DNA2: variants seen among roughly 807,000 people sequenced by gnomAD.
DNA2 encodes the protein DNA replication helicase/nuclease 2.
In DNA2, 101 loss-of-function variants were observed where a neutral mutation model predicts 119.1. The ratio of observed to expected loss-of-function variants is 0.85; its 90% CI spans 0.72 to 1.00. The LOEUF (loss-of-function observed/expected upper bound fraction) is 1.00. DNA2 is among the 50% of genes least tolerant of loss of function. The pLI, the probability that DNA2 is intolerant of heterozygous loss-of-function variation, is 0.00. For missense variants in DNA2, 1,121 were observed against 1,255.5 expected (o/e 0.89, Z 1.62); for synonymous variants, 366 against 424.4 (o/e 0.86, Z 1.69).
At chr10:68,436,754 C>T in intron 10 of DNA2, 3 of 311,718 alleles carry the variant, frequency 9.6e-6, no homozygotes, top group Non-Finnish European at 1.8e-5. Context: ...TCTACAGAGA[C>T]AGAAAGCAGG....
chr10:68,421,100 T>G (rs2051659392), intron 17 of DNA2, among the ~76,000 whole-genome samples: 1 of 151,794 alleles, frequency 6.6e-6, no homozygotes, highest in Admixed American at 6.6e-5. Flanking sequence ...CCACACCCAG[T>G]TAAGTTTTGC....
At chr10:68,444,070 A>G (rs1332027410) in intron 8 of DNA2, among the ~76,000 whole-genome samples, 1 of 152,194 alleles carries the variant, frequency 6.6e-6, no homozygotes, top group African/African-American at 2.4e-5. Flanking sequence ...CAGCCTGGCC[A>G]ACATGGTGAA....
chr10:68,451,374 A>G (rs1004702021), intron 5 of DNA2, among the ~76,000 whole-genome samples: 1 of 152,158 alleles, frequency 6.6e-6, no homozygotes, highest in African/African-American at 2.4e-5. Flanking sequence ...CACAGAAAGG[A>G]GAAAAAAAGG....
chr10:68,457,067 G>A (rs1228745496), intron 5 of DNA2, among the ~76,000 whole-genome samples: 1 of 151,518 alleles, frequency 6.6e-6, no homozygotes, highest in African/African-American at 2.4e-5. Context: ...CCGGGAGGCG[G>A]AGGTTGCAGT....
chr10:68,471,566 A>G (rs1259841812), intron 1 of DNA2, among the ~76,000 whole-genome samples: 1 of 152,116 alleles, frequency 6.6e-6, no homozygotes, highest in African/African-American at 2.4e-5. Flanking sequence ...AAGGGAAACA[A>G]TGAACTGCTC....
intron 1 of DNA2, chr10:68,470,584 T>A: frequency 2.2e-6 from 1 of 454,110 alleles, no homozygotes; most frequent in Non-Finnish European, 4.4e-6. Context: ...ACTGCACCCC[T>A]TCCTGAGCGA....
Position 68,430,534 on chromosome 10 carries a change from T to A in DNA2, c.2110A>T (p.Lys704Ter). Residue 704 changes from lysine (K) to a stop codon, truncating the protein, a stop_gained, in exon 14 of 21, where the codon AAG (lysine) becomes TAG (stop). Coordinates refer to ENST00000358410, the MANE Select transcript of DNA2 (RefSeq NM_001080449.3). LOFTEE classifies it high-confidence loss of function. Reference protein sequence around the residue: ...IGFLRLGQIQKVHPAIQQFTE... With the variant: ...IGFLRLGQIQ The stretch of plus-strand genomic sequence containing the variant: ...AATTGCTGGATAGCTGGATGAACCT[T>A]CTGAATCTGACCCAAACGCAAAAAT... 6.2e-7 allele frequency: 1 copy of A among 1,611,706 alleles called. No homozygotes were observed. Among genetic ancestry groups the A allele is most frequent in the Non-Finnish European group, 8.5e-7 (1 of 1,178,848 alleles).
Position 68,432,118 on chromosome 10 carries a change from G to GC in DNA2, c.1873+87dup, listed in dbSNP as rs935153751. On this transcript the variant is annotated intron_variant, in intron 12 of 20. Transcript: ENST00000358410. Reference sequence around the variant, plus strand: ...GAGTCTTGGTCTAAACATTGTAGTTGCAAGTCTAATCAAGATATTAGACTA... The same window carrying GC: ...GAGTCTTGGTCTAAACATTGTAGTTGCCAAGTCTAATCAAGATATTAGACTA... 8.0e-5 allele frequency: 90 copies of GC among 1,129,338 alleles called. No homozygotes were observed. In the Middle Eastern group the frequency reaches 3.6e-3, roughly 45 times the overall value. 70.0% of individuals were successfully genotyped at this position (1,129,338 alleles called of 1,614,324 possible). A position where few individuals can be genotyped will look rare whatever the true frequency, so the allele number is the denominator to read the frequency against.
At chr10:68,421,802 T>C (rs2133360696) in intron 17 of DNA2, among the ~76,000 whole-genome samples, 1 of 146,986 alleles carries the variant, frequency 6.8e-6, no homozygotes, top group East Asian at 2.0e-4. Context: ...GTATGAGAAG[T>C]ACATTAGTTT....
intron 9 of DNA2, among the ~76,000 whole-genome samples, chr10:68,439,987 G>A (rs1054512518): frequency 2.0e-4 from 31 of 151,736 alleles, no homozygotes; most frequent in Non-Finnish European, 2.8e-4. Context: ...CTGGGCGACT[G>A]AGCAAGATTC....
At chr10:68,446,877 G>T (rs2049809260) in intron 6 of DNA2, among the ~76,000 whole-genome samples, 1 of 151,976 alleles carries the variant, frequency 6.6e-6, no homozygotes, top group African/African-American at 2.4e-5. Context: ...GAGAAGTGGG[G>T]ATGGTTAATG....
intron 14 of DNA2, among the ~76,000 whole-genome samples, chr10:68,426,561 C>T (rs765465640): frequency 5.3e-5 from 8 of 150,128 alleles, no homozygotes; most frequent in East Asian, 4.0e-4. Flanking sequence ...ATAGGCCGGG[C>T]GTGGTGGCTC....
chr10:68,444,981 A>G lies in DNA2; in HGVS notation c.1160T>C (p.Ile387Thr), dbSNP rs1422733615. The G allele has an allele frequency of 6.2e-7, 1 of 1,613,718 alleles. No homozygotes were observed. The highest frequency in any genetic ancestry group is 8.5e-7 in the Non-Finnish European group (1 of 1,179,764). ...ATATTTACAAGTTTTCTCTTCCTCA[A>G]TTATTTGTGGCAAAGAAGCAAGCTG... ...KTQLASLPQI[I>T]EEEKTCKYCS... Residue 387 changes from isoleucine (I) to threonine (T), a missense_variant, in exon 8 of 21, where the codon ATT becomes ACT. Ile to Thr is a moderately conservative substitution (Grantham distance 89). Coordinates refer to ENST00000358410, the MANE Select transcript of DNA2 (RefSeq NM_001080449.3).
At chr10:68,449,896 C>A in intron 6 of DNA2, 132 bp downstream of exon 6, 1 of 639,882 alleles carries the variant, frequency 1.6e-6, no homozygotes. Flanking sequence ...CTGGCATGAA[C>A]CCAGGAGGCG....
chr10:68,460,531 C>A (rs1204357680), intron 4 of DNA2, among the ~76,000 whole-genome samples: 2 of 151,834 alleles, frequency 1.3e-5, no homozygotes, highest in African/African-American at 4.8e-5. Flanking sequence ...CCTCAGTCCC[C>A]TGAGTAGCTG....
At chr10:68,456,989 C>A (rs974378962) in intron 5 of DNA2, among the ~76,000 whole-genome samples, 3 of 151,800 alleles carry the variant, frequency 2.0e-5, no homozygotes, top group Non-Finnish European at 4.4e-5. Flanking sequence ...AAAAAATTAG[C>A]CAGGCATGGT....
intron 6 of DNA2, among the ~76,000 whole-genome samples, chr10:68,447,692 A>T (rs1300496785): frequency 6.8e-6 from 1 of 146,744 alleles, no homozygotes; most frequent in African/African-American, 2.5e-5. Flanking sequence ...GTCTTAAAAT[A>T]AAAAAAAAAG....
At chr10:68,468,541 C>G (rs1457571118) in intron 2 of DNA2, among the ~76,000 whole-genome samples, 1 of 152,104 alleles carries the variant, frequency 6.6e-6, no homozygotes, top group Non-Finnish European at 1.5e-5. Context: ...ACTCAAGGGT[C>G]TTCTATAAAT....
chr10:68,416,549 T>C (rs1296296286), intron 20 of DNA2, 160 bp downstream of exon 20: 3 of 648,432 alleles, frequency 4.6e-6, no homozygotes, highest in Non-Finnish European at 8.1e-6. Flanking sequence ...GGCTCACATC[T>C]GTAATCACAG....
Sources: gnomAD v4.1 joint callset for allele counts (sites outside exome capture counted in the v4.1 genomes callset) on GRCh38, gnomAD v4.1.1 for gene constraint, MANE v1.5 for transcripts, NCBI Gene and HGNC (gene_info 2026-07-23, HGNC 2026-07-21) for gene names.